GCSH: variants seen among roughly 807,000 people sequenced by gnomAD.
GCSH encodes the protein glycine cleavage system H protein, mitochondrial.
A neutral mutation model predicts 21.3 loss-of-function variants in GCSH; 15 were observed. The observed-to-expected ratio is 0.70, with a 90% CI of 0.47 to 1.08. The LOEUF (loss-of-function observed/expected upper bound fraction) is 1.08, where lower values mean the gene tolerates loss of function less well. Among genes scored for constraint, GCSH ranks in the 50% least tolerant of loss-of-function variants. The probability of loss-of-function intolerance (pLI) is 0.00; values close to 1 mark genes in which losing one functional copy is unlikely to be tolerated. For synonymous variants in GCSH, 59 were observed against 84.5 expected (o/e 0.70, Z 1.66); for missense variants, 179 against 217.5 (o/e 0.82, Z 1.11).
intron 2 of GCSH, among the ~76,000 whole-genome samples, chr16:81,089,599 T>C (rs1597167687): frequency 6.6e-6 from 1 of 152,170 alleles, no homozygotes; most frequent in Non-Finnish European, 1.5e-5. Context: ...AAGGACGCAA[T>C]CCCCGAGGAG....
At chr16:81,083,138 C>T (rs945139560) in intron 4 of GCSH, 175 bp from the exon 5 acceptor site, 8 of 635,150 alleles carry the variant, frequency 1.3e-5, no homozygotes, top group African/African-American at 5.6e-5. Context: ...TTGTATATAA[C>T]AAATGAAAAT....
chr16:81,095,739 C>A (rs1320290973), intron 1 of GCSH, among the ~76,000 whole-genome samples: 1 of 152,198 alleles, frequency 6.6e-6, no homozygotes, highest in Non-Finnish European at 1.5e-5. Flanking sequence ...CTAAAGGCCT[C>A]CCCATTTGGG....
intron 2 of GCSH, among the ~76,000 whole-genome samples, chr16:81,088,303 TCA>T (rs8177899): frequency 0.037 from 5,650 of 152,154 alleles, 284 homozygotes; most frequent in African/African-American, 0.12. Flanking sequence ...TATTCTCAAC[TCA>T]GGAGCTGCAA....
chr16:81,089,611 C>G (rs903642237), intron 2 of GCSH, among the ~76,000 whole-genome samples: 1 of 152,092 alleles, frequency 6.6e-6, no homozygotes, highest in African/African-American at 2.4e-5. Context: ...CCCGAGGAGG[C>G]AGTTATCAGA....
intron 1 of GCSH, among the ~76,000 whole-genome samples, chr16:81,091,519 G>A (rs534201756): frequency 6.6e-6 from 1 of 152,296 alleles, no homozygotes; most frequent in South Asian, 2.1e-4. Context: ...AGGATATAAA[G>A]TTAAAAGTAC....
At chr16:81,085,278 G>A (rs576591155) in intron 3 of GCSH, among the ~76,000 whole-genome samples, 1 of 152,138 alleles carries the variant, frequency 6.6e-6, no homozygotes, top group Admixed American at 6.6e-5. Flanking sequence ...CTCCCAAAGT[G>A]CTGGGATTAT....
chr16:81,086,571 A>T (rs8048234), intron 3 of GCSH, among the ~76,000 whole-genome samples: 133,064 of 151,184 alleles, frequency 0.88, 60,385 homozygotes, highest in Non-Finnish European at 0.99. Flanking sequence ...AAATAAGAAG[A>T]AAAAAAAAAG....
intron 1 of GCSH, among the ~76,000 whole-genome samples, chr16:81,091,515 TA>T (rs1483065895): frequency 2.6e-5 from 4 of 152,176 alleles, no homozygotes; most frequent in African/African-American, 9.6e-5. Context: ...ATTTAGGATA[TA>T]AAGTTAAAAG....
chr16:81,086,507 A>G (rs1295125506), intron 3 of GCSH, among the ~76,000 whole-genome samples: 3 of 152,130 alleles, frequency 2.0e-5, no homozygotes, highest in Admixed American at 1.3e-4. Context: ...CAGTGAGCCA[A>G]TGTCGCACCA....
intron 1 of GCSH, among the ~76,000 whole-genome samples, chr16:81,093,129 A>C (rs1291167549): frequency 6.6e-6 from 1 of 151,954 alleles, no homozygotes; most frequent in Non-Finnish European, 1.5e-5. Context: ...TCTCCAAAAA[A>C]AAAAAAAAAA....
At chr16:81,087,508 A>G in intron 3 of GCSH, 93 bp downstream of exon 3, 1 of 897,790 alleles carries the variant, frequency 1.1e-6, no homozygotes, top group Non-Finnish European at 1.8e-6. Flanking sequence ...AAAAAAAAAA[A>G]GCACTCTAAT....
intron 1 of GCSH, among the ~76,000 whole-genome samples, chr16:81,091,745 CTGATACGCAGCACAA>C (rs1972401688): frequency 6.6e-6 from 1 of 152,106 alleles, no homozygotes; most frequent in Non-Finnish European, 1.5e-5. Flanking sequence ...GGTTACAGCT[CTGATACGCAGCACAA>C]CGTAAGTAGA....
intron 2 of GCSH, among the ~76,000 whole-genome samples, chr16:81,089,280 C>T (rs766880048): frequency 1.3e-5 from 2 of 152,306 alleles, no homozygotes; most frequent in Non-Finnish European, 2.9e-5. Flanking sequence ...TACATGAGCA[C>T]TCCTCATCCA....
chr16:81,084,389 A>G, intron 4 of GCSH, 74 bp downstream of exon 4: 1 of 1,167,456 alleles, frequency 8.6e-7, no homozygotes, highest in Non-Finnish European at 1.3e-6. Flanking sequence ...ACAATCAGCT[A>G]AACTTGCTTT....
intron 4 of GCSH, 184 bp downstream of exon 4, chr16:81,084,279 A>G (rs968602331): frequency 4.5e-6 from 3 of 661,158 alleles, no homozygotes; most frequent in African/African-American, 3.6e-5. Flanking sequence ...GCGCCTAGCC[A>G]GAAATCTTAA....
In GCSH at chr16:81,082,045, T is replaced by C; in HGVS notation, c.*821A>G. The C allele has an allele frequency of 2.2e-6, 1 of 454,172 alleles. No individual in the cohort carries two copies. Among genetic ancestry groups the C allele is most frequent in the Non-Finnish European group, 4.4e-6 (1 of 226,810 alleles). The allele number at this position is 454,172 out of a possible 1,614,324, so 28.1% of individuals were successfully genotyped here. A position where few individuals can be genotyped will look rare whatever the true frequency, so the allele number is the denominator to read the frequency against. On this transcript the variant is annotated 3_prime_UTR_variant, in exon 5 of 5. Transcript: ENST00000315467. ...AACTTAAAAACACCATGTGCTATAC[T>C]GATCAAAACTTCCACCTTCCTCTGT...
intron 1 of GCSH, chr16:81,091,120 A>T: frequency 4.4e-6 from 2 of 453,656 alleles, no homozygotes; most frequent in Non-Finnish European, 8.8e-6. Flanking sequence ...AAAAAAAAAA[A>T]TAACAGTAAT....
At chr16:81,093,873 G>A (rs1360785287) in intron 1 of GCSH, among the ~76,000 whole-genome samples, 9 of 152,072 alleles carry the variant, frequency 5.9e-5, no homozygotes, top group Admixed American at 1.3e-4. Context: ...CCCTTGGCCC[G>A]ACAGGAAGAA....
chr16:81,089,724 C>T (rs537447658), intron 2 of GCSH, among the ~76,000 whole-genome samples: 12 of 152,288 alleles, frequency 7.9e-5, no homozygotes, highest in African/African-American at 1.9e-4. Context: ...TCACTGAACA[C>T]GCTAGGATTT....
Sources: allele counts gnomAD v4.1 joint callset (sites outside exome capture counted in the v4.1 genomes callset), GRCh38; gene constraint gnomAD v4.1.1; transcripts MANE v1.5; gene names NCBI Gene and HGNC (gene_info 2026-07-23, HGNC 2026-07-21).